Variants in ASAP1 observed in about 807,000 individuals in gnomAD.
ASAP1 encodes arf-GAP with SH3 domain, ANK repeat and PH domain-containing protein 1.
ASAP1 carries 43 observed loss-of-function variants against 145.2 expected under a neutral mutation model. The ratio of observed to expected loss-of-function variants is 0.30; its 90% CI spans 0.23 to 0.38. ASAP1 has a LOEUF of 0.38. ASAP1 is among the 10% of genes least tolerant of loss of function. The probability of loss-of-function intolerance (pLI) is 1.00; values close to 1 mark genes in which losing one functional copy is unlikely to be tolerated. For missense variants in ASAP1, 1,018 were observed against 1,355.3 expected, an observed-to-expected ratio of 0.75 and a Z score of 3.91; for synonymous variants, 546 against 515.5, an observed-to-expected ratio of 1.06 and a Z score of -0.80.
intron 4 of ASAP1, among the ~76,000 whole-genome samples, chr8:130,224,633 T>C (rs77358178): frequency 1.8e-3 from 275 of 152,268 alleles, no homozygotes; most frequent in Middle Eastern, 0.014. Context: ...ACGACCACCA[T>C]GGCTTGCTTT....
chr8:130,173,972 T>C (rs983478150), intron 9 of ASAP1, among the ~76,000 whole-genome samples: 18 of 151,538 alleles, frequency 1.2e-4, no homozygotes, highest in African/African-American at 4.4e-4. Flanking sequence ...TCCCAGCTAC[T>C]TGGGAGGCTG....
At chr8:130,274,850 A>G (rs531892905) in intron 3 of ASAP1, among the ~76,000 whole-genome samples, 1 of 152,270 alleles carries the variant, frequency 6.6e-6, no homozygotes, top group East Asian at 1.9e-4. Context: ...TCTTAGCTAC[A>G]CCTACTGTAG....
At position 130,180,733 on chromosome 8, in the gene ASAP1, G is replaced by A. The variant is rs372288658; in HGVS notation, c.660+18C>T. On this transcript the variant is annotated intron_variant, in intron 8 of 29. Transcript: ENST00000518721. ...GTTGTTATAATTCTAGGCAAATGGT[G>A]GAAAAGTCCATTCTTACTTCACACA... is the stretch of plus-strand genomic sequence containing the variant. The A allele has an allele frequency of 2.5e-6, 4 of 1,598,722 alleles. No individual in the cohort carries two copies. Among genetic ancestry groups the A allele is most frequent in the African/African-American group, 2.7e-5 (2 of 73,564 alleles).
chr8:130,178,376 T>C (rs1441609144), intron 9 of ASAP1, among the ~76,000 whole-genome samples: 2 of 152,012 alleles, frequency 1.3e-5, no homozygotes, highest in African/African-American at 4.8e-5. Flanking sequence ...AGAAAACCCA[T>C]GAAAGTTAAC....
chr8:130,286,485 T>C (rs1014638217), intron 3 of ASAP1, among the ~76,000 whole-genome samples: 5 of 152,020 alleles, frequency 3.3e-5, no homozygotes, highest in Non-Finnish European at 5.9e-5. Context: ...ACTGATGGAG[T>C]TGTAGTTACA....
chr8:130,158,408 A>T (rs997371060), intron 12 of ASAP1, among the ~76,000 whole-genome samples: 5 of 151,538 alleles, frequency 3.3e-5, no homozygotes, highest in Non-Finnish European at 5.9e-5. Flanking sequence ...CCAGCTACTC[A>T]GGAGGCTGAG....
In ASAP1 at chr8:130,194,582, G is replaced by A. The variant is rs188074154; in HGVS notation, c.406-6399C>T. On this transcript the variant is annotated intron_variant, in intron 5 of 29. Coordinates refer to ENST00000518721, the MANE Select transcript of ASAP1 (RefSeq NM_018482.4). ...GTCCCCAACCTTTCTGGCACCAGAG[G>A]CTGGTTTTGTGGAAGACAGTTTTTC... Among the ~76,000 whole-genome samples the A allele has an allele frequency of 1.0e-3, 155 of 152,288 alleles. 1 individual carries two copies. In the Middle Eastern group the frequency reaches 0.01, roughly 10 times the overall value.
At chr8:130,133,244 C>G (rs6470804) in intron 15 of ASAP1, among the ~76,000 whole-genome samples, 2 of 151,986 alleles carry the variant, frequency 1.3e-5, no homozygotes, top group African/African-American at 4.8e-5. Flanking sequence ...TGCCTTTTTC[C>G]GTCTAGACAG....
At chr8:130,205,566 G>A (rs1270404485) in intron 5 of ASAP1, among the ~76,000 whole-genome samples, 1 of 141,084 alleles carries the variant, frequency 7.1e-6, no homozygotes, top group Non-Finnish European at 1.5e-5. Context: ...GAGCAAATTT[G>A]CATATATATA....
At chr8:130,261,802 G>A (rs1010621230) in intron 3 of ASAP1, among the ~76,000 whole-genome samples, 1 of 152,046 alleles carries the variant, frequency 6.6e-6, no homozygotes, top group Non-Finnish European at 1.5e-5. Context: ...GATTCTGAAG[G>A]AGTTAGGATT....
chr8:130,395,427 G>A (rs929328409), intron 2 of ASAP1, among the ~76,000 whole-genome samples: 10 of 152,214 alleles, frequency 6.6e-5, no homozygotes, highest in South Asian at 2.1e-4. Flanking sequence ...GGGCAGTCCC[G>A]CAATCCAGTA....
At chr8:130,100,351 C>T (rs577776605) in intron 24 of ASAP1, among the ~76,000 whole-genome samples, 11 of 150,766 alleles carry the variant, frequency 7.3e-5, no homozygotes, top group East Asian at 5.8e-4. Flanking sequence ...TTTTTTGAGA[C>T]GGAGTTTCAC....
intron 3 of ASAP1, among the ~76,000 whole-genome samples, chr8:130,352,220 T>TTTTC (rs1826038226): frequency 6.6e-6 from 1 of 151,762 alleles, no homozygotes; most frequent in African/African-American, 2.4e-5. Context: ...GGGTTTTTTT[T>TTTTC]TTTTTTTTTT....
At chr8:130,137,547 C>T (rs1035362415) in intron 13 of ASAP1, among the ~76,000 whole-genome samples, 2 of 151,998 alleles carry the variant, frequency 1.3e-5, no homozygotes, top group East Asian at 3.8e-4. Context: ...TCAAAATGAC[C>T]CCGGTAATCA....
At chr8:130,365,717 T>C (rs1056562213) in intron 2 of ASAP1, among the ~76,000 whole-genome samples, 6 of 152,208 alleles carry the variant, frequency 3.9e-5, no homozygotes, top group African/African-American at 1.2e-4. Context: ...CCAACTAGAC[T>C]GTGACCTACC....
At chr8:130,204,571 T>C (rs1816082561) in intron 5 of ASAP1, among the ~76,000 whole-genome samples, 1 of 152,120 alleles carries the variant, frequency 6.6e-6, no homozygotes, top group South Asian at 2.1e-4. Flanking sequence ...CTCCCTCCCA[T>C]TTCCAGGTCT....
chr8:130,160,556 G>A (rs1279674597), intron 11 of ASAP1, among the ~76,000 whole-genome samples: 2 of 152,124 alleles, frequency 1.3e-5, no homozygotes, highest in African/African-American at 2.4e-5. Flanking sequence ...TTATGATGTC[G>A]TGGAGGGTGA....
chr8:130,417,595 A>C (rs560835615), intron 1 of ASAP1, among the ~76,000 whole-genome samples: 76 of 150,964 alleles, frequency 5.0e-4, no homozygotes, highest in African/African-American at 1.8e-3. Context: ...GAGACAGAAA[A>C]CCCCACAAGT....
At chr8:130,205,390 A>AAC (rs1554846953) in intron 5 of ASAP1, among the ~76,000 whole-genome samples, 1 of 151,620 alleles carries the variant, frequency 6.6e-6, no homozygotes, top group African/African-American at 2.4e-5. Context: ...AAGAAAAAAA[A>AAC]AAAAAAAAAA....
Sources: allele counts gnomAD v4.1 joint callset (sites outside exome capture counted in the v4.1 genomes callset), GRCh38; gene constraint gnomAD v4.1.1; transcripts MANE v1.5; gene names NCBI Gene and HGNC (gene_info 2026-07-23, HGNC 2026-07-21).